The following TMEM232 variants were observed in gnomAD, a reference collection of about 807,000 sequenced individuals.
TMEM232 encodes transmembrane protein 232.
TMEM232 carries 80 observed loss-of-function variants against 78.8 expected under a neutral mutation model. That is an observed-to-expected ratio of 1.01 (90% confidence interval 0.85 to 1.22). The LOEUF (loss-of-function observed/expected upper bound fraction) is 1.22. Ranked by LOEUF, TMEM232 falls within the 50% of genes most tolerant of loss-of-function variation. The pLI is 0.00. For missense variants in TMEM232, 881 were observed against 742.2 expected (o/e 1.19, Z -2.17); for synonymous variants, 297 against 254.3 (o/e 1.17, Z -1.60).
At chr5:110,410,943 C>T in intron 2 of TMEM232, among the ~76,000 whole-genome samples, 1 of 152,076 alleles carries the variant, frequency 6.6e-6, no homozygotes, top group East Asian at 1.9e-4. Flanking sequence ...CTATTTGTTT[C>T]TCAGGACATT....
chr5:110,556,074 C>T (rs755732852), intron 11 of TMEM232, among the ~76,000 whole-genome samples: 2 of 152,046 alleles, frequency 1.3e-5, no homozygotes, highest in African/African-American at 2.4e-5. Context: ...TGCTTTATGG[C>T]GTAAATGATC....
chr5:110,599,282 C>G (rs1441026590), intron 10 of TMEM232, among the ~76,000 whole-genome samples: 1 of 152,110 alleles, frequency 6.6e-6, no homozygotes, highest in Non-Finnish European at 1.5e-5. Flanking sequence ...AAATAACCAG[C>G]TAGCATCATG....
chr5:110,734,469 C>G (rs1376782444), intron 2 of TMEM232, among the ~76,000 whole-genome samples: 1 of 152,206 alleles, frequency 6.6e-6, no homozygotes. Context: ...CTCTGCCCAT[C>G]ATGAGGCTAT....
chr5:110,668,327 T>G (rs762939922), intron 1 of TMEM232, among the ~76,000 whole-genome samples: 1 of 152,150 alleles, frequency 6.6e-6, no homozygotes, highest in Non-Finnish European at 1.5e-5. Flanking sequence ...CTTTGGCCTT[T>G]AAGTGAGAAA....
At position 110,707,175 on chromosome 5, in the gene TMEM232, T is replaced by C. The variant is rs186910788; in HGVS notation, c.-13+19452A>G. 7.2e-5 allele frequency among the ~76,000 whole-genome samples: 11 copies of C among 152,254 alleles called. No homozygotes were observed. The East Asian group carries it at 2.1e-3, about 29-fold the overall frequency. ...AACATGTGCACACAGAAAAGCACTA[T>C]CACAAGAACCAAAAATCAGATGAAC... On this transcript the variant is annotated intron_variant, in intron 1 of 13. Transcript: ENST00000455884.
intron 5 of TMEM232, among the ~76,000 whole-genome samples, chr5:110,634,055 T>C (rs1207726943): frequency 6.6e-6 from 1 of 152,064 alleles, no homozygotes; most frequent in Non-Finnish European, 1.5e-5. Flanking sequence ...TATCCTTCTA[T>C]TGGATAAAAC....
chr5:110,419,069 G>T (rs912269497), downstream of TMEM232, among the ~76,000 whole-genome samples: 1 of 152,074 alleles, frequency 6.6e-6, no homozygotes, highest in African/African-American at 2.4e-5. Context: ...AGGAGTGAGT[G>T]ATGAAGAGGG....
intron 10 of TMEM232, among the ~76,000 whole-genome samples, chr5:110,570,575 T>A (rs184648433): frequency 6.6e-6 from 1 of 151,988 alleles, no homozygotes; most frequent in Admixed American, 6.6e-5. Flanking sequence ...TTTAGAAGAC[T>A]TGTCCAATAG....
chr5:110,435,727 G>T (rs914992416), intron 12 of TMEM232, among the ~76,000 whole-genome samples: 1 of 151,736 alleles, frequency 6.6e-6, no homozygotes, highest in African/African-American at 2.4e-5. Flanking sequence ...TTCTGTGCCT[G>T]GCTTATTTCA....
chr5:110,711,875 G>A (rs1796518401), intron 1 of TMEM232, among the ~76,000 whole-genome samples: 1 of 152,034 alleles, frequency 6.6e-6, no homozygotes, highest in Admixed American at 6.5e-5. Context: ...GGGAGGCCGA[G>A]GTGGGCAGAT....
At chr5:110,580,219 T>A (rs1171134582) in intron 10 of TMEM232, among the ~76,000 whole-genome samples, 1 of 151,728 alleles carries the variant, frequency 6.6e-6, no homozygotes, top group Admixed American at 6.6e-5. Context: ...ATGACAGTTG[T>A]CCCATAAGAT....
intron 10 of TMEM232, among the ~76,000 whole-genome samples, chr5:110,594,295 T>C (rs548152788): frequency 7.9e-5 from 12 of 152,238 alleles, no homozygotes; most frequent in East Asian, 1.9e-4. Flanking sequence ...ATTTTTCCCA[T>C]GGTTTTTGCA....
chr5:110,670,941 A>C (rs1194401559), intron 1 of TMEM232, among the ~76,000 whole-genome samples: 1 of 152,162 alleles, frequency 6.6e-6, no homozygotes, highest in Non-Finnish European at 1.5e-5. Flanking sequence ...CAAATTTGAC[A>C]AGTGCTTATT....
intron 12 of TMEM232, among the ~76,000 whole-genome samples, chr5:110,476,931 T>C (rs1046446591): frequency 5.3e-5 from 8 of 152,020 alleles, no homozygotes; most frequent in African/African-American, 1.9e-4. Context: ...ATAACGTAGA[T>C]GGTGTTTAGA....
chr5:110,434,974 C>T (rs532857777), intron 12 of TMEM232, among the ~76,000 whole-genome samples: 2 of 152,054 alleles, frequency 1.3e-5, no homozygotes, highest in Admixed American at 6.6e-5. Flanking sequence ...CAGCCAACAA[C>T]CTACTGAATG....
In TMEM232 at chr5:110,524,411, G is replaced by GAAAGAAAAGAAAAGAAAAGAAAAGA. The variant is rs202226775; in HGVS notation, c.1703+4152_1703+4176dup. On this transcript the variant is annotated intron_variant, in intron 12 of 13. Transcript: ENST00000455884. The stretch of plus-strand genomic sequence containing the variant: ...AGAAAGAAAGAAAGAAAGAAAGAAA[G>GAAAGAAAAGAAAAGAAAAGAAAAGA]AAAGAAAAGAAAAGAAAAGAAAAGA... Among the ~76,000 whole-genome samples, 6 of 61,420 alleles carry GAAAGAAAAGAAAAGAAAAGAAAAGA rather than the reference G, an allele frequency of 9.8e-5. 1 individual carries two copies. The highest frequency in any genetic ancestry group is 3.3e-4 in the Admixed American group (2 of 5,990). 40.3% of individuals were successfully genotyped at this position (61,420 alleles called of 152,430 possible).
intron 10 of TMEM232, among the ~76,000 whole-genome samples, chr5:110,603,148 G>T (rs572598702): frequency 1.7e-4 from 26 of 152,152 alleles, no homozygotes; most frequent in Middle Eastern, 3.4e-3. Flanking sequence ...TCAGGGGTTG[G>T]GGGCAAGGGA....
At chr5:110,730,289 A>T (rs138359180), upstream of TMEM232, among the ~76,000 whole-genome samples, 19 of 152,366 alleles carry the variant, frequency 1.2e-4, no homozygotes, top group African/African-American at 4.3e-4. Context: ...AAAGTGAATC[A>T]TAGGAAAAAA....
intron 12 of TMEM232, among the ~76,000 whole-genome samples, chr5:110,428,518 G>A (rs1284916792): frequency 6.6e-6 from 1 of 151,696 alleles, no homozygotes; most frequent in Non-Finnish European, 1.5e-5. Context: ...GGAGGTCTAG[G>A]AGCCTAACTT....
Sources: allele counts gnomAD v4.1 joint callset (sites outside exome capture counted in the v4.1 genomes callset), GRCh38; gene constraint gnomAD v4.1.1; transcripts MANE v1.5; gene names NCBI Gene and HGNC (gene_info 2026-07-23, HGNC 2026-07-21).